Variants in PPP1R7 observed in about 807,000 individuals in gnomAD.
PPP1R7 encodes protein phosphatase 1 regulatory subunit 7.
A neutral mutation model predicts 45.2 loss-of-function variants in PPP1R7; 18 were observed. The observed-to-expected ratio is 0.40, with a 90% CI of 0.28 to 0.59. The LOEUF is 0.59. Ranked by LOEUF, PPP1R7 falls within the 20% of genes least tolerant of loss-of-function variation. PPP1R7 has a pLI of 0.46. For synonymous variants in PPP1R7, 181 were observed against 183.4 expected (o/e 0.99, Z 0.11); for missense variants, 314 against 455.8 (o/e 0.69, Z 2.83).
At chr2:241,149,748 G>A (rs767693911), upstream of PPP1R7, 8 of 1,542,512 alleles carry the variant, frequency 5.2e-6, no homozygotes, top group Non-Finnish European at 7.0e-6. Flanking sequence ...GCCTCTTTCT[G>A]AAGGCGGAGG....
At chr2:241,164,291 G>A (rs888113014) in intron 7 of PPP1R7, among the ~76,000 whole-genome samples, 1 of 152,222 alleles carries the variant, frequency 6.6e-6, no homozygotes, top group African/African-American at 2.4e-5. Flanking sequence ...TCTTCAGAAG[G>A]TGGAGCTTAT....
At chr2:241,166,736 T>A (rs1159354897) in intron 8 of PPP1R7, among the ~76,000 whole-genome samples, 1 of 152,158 alleles carries the variant, frequency 6.6e-6, no homozygotes, top group Non-Finnish European at 1.5e-5. Flanking sequence ...TGGGGCAGCA[T>A]CCATTGCACA....
At chr2:241,156,675 TA>T (rs3831865) in intron 2 of PPP1R7, among the ~76,000 whole-genome samples, 29,518 of 151,612 alleles carry the variant, frequency 0.19, 4,251 homozygotes, top group East Asian at 0.61. Context: ...CCCTGTCTCT[TA>T]AAAAAAAATT....
chr2:241,159,291 T>A lies in PPP1R7; in HGVS notation c.382T>A (p.Tyr128Asn), dbSNP rs752131467. 1 of 1,613,838 alleles carries A rather than the reference T, an allele frequency of 6.2e-7. No homozygotes were observed. The highest frequency in any genetic ancestry group is 1.7e-5 in the Admixed American group (1 of 60,018). The part of the protein sequence containing the change: ...ELQSLRELDL[Y>N]DNQIKKIENL... ...ACAGAGTCTTCGAGAGCTGGATCTT[T>A]ACGACAACCAGATCAAGAAGATTGA... Residue 128 changes from tyrosine to asparagine, a missense_variant, in exon 5 of 10, where the codon TAC becomes AAC. Tyr to Asn is a moderately radical substitution (Grantham distance 143, BLOSUM62 -2). Coordinates refer to ENST00000234038, the MANE Select transcript of PPP1R7 (RefSeq NM_002712.3).
At chr2:241,170,687 T>C (rs2067798054) in intron 9 of PPP1R7, among the ~76,000 whole-genome samples, 1 of 152,200 alleles carries the variant, frequency 6.6e-6, no homozygotes, top group Admixed American at 6.5e-5. Flanking sequence ...TGACCCTGCT[T>C]ATGTCCTGTG....
Position 241,177,395 on chromosome 2 carries a change from G to A in PPP1R7, c.907-5252G>A, listed in dbSNP as rs566593225. ...TTGTGCCACTGCACTCTAGCCTGGC[G>A]ACAAAGCTAGACTCCACCTTAAAAA... On this transcript the variant is annotated intron_variant, in intron 9 of 9. Transcript: ENST00000234038. 1.0e-4 allele frequency among the ~76,000 whole-genome samples: 15 copies of A among 149,372 alleles called. No individual in the cohort carries two copies. The South Asian group carries it at 1.3e-3, about 13-fold the overall frequency.
In PPP1R7 at chr2:241,183,231, C is replaced by G. The variant is rs1392780224; in HGVS notation, c.*408C>G. 5.2e-6 allele frequency: 2 copies of G among 383,860 alleles called. No individual in the cohort carries two copies. The highest frequency in any genetic ancestry group is 5.3e-6 in the Non-Finnish European group (1 of 190,288). 23.8% of individuals were successfully genotyped at this position (383,860 alleles called of 1,614,324 possible). A position where few individuals can be genotyped will look rare whatever the true frequency, so the allele number is the denominator to read the frequency against. On this transcript the variant is annotated 3_prime_UTR_variant, in exon 10 of 10. Transcript: ENST00000234038. ...GGGGGCTGGCCTAGCTGGCCCTAGT[C>G]CTGGTGTGCAGGGTTCAGGCAGTCT...
upstream of PPP1R7, chr2:241,149,601 G>A (rs187718988): frequency 9.3e-6 from 14 of 1,509,962 alleles, no homozygotes; most frequent in Middle Eastern, 1.7e-4. Flanking sequence ...GGTTGCTAGG[G>A]ACGCACCAAA....
chr2:241,175,311 C>T (rs545431536), intron 9 of PPP1R7, among the ~76,000 whole-genome samples: 3 of 152,222 alleles, frequency 2.0e-5, no homozygotes, highest in Non-Finnish European at 4.4e-5. Context: ...AAAACTGGAA[C>T]TCTGTACCCA....
chr2:241,153,656 G>T, intron 2 of PPP1R7, 52 bp downstream of exon 2: 1 of 1,596,440 alleles, frequency 6.3e-7, no homozygotes, highest in Non-Finnish European at 8.5e-7. Context: ...GATGTGGGCT[G>T]TGCTGCACGT....
intron 9 of PPP1R7, among the ~76,000 whole-genome samples, chr2:241,175,058 T>C (rs2067887418): frequency 6.6e-6 from 1 of 152,206 alleles, no homozygotes; most frequent in Admixed American, 6.5e-5. Context: ...ACAGAAGTCC[T>C]ACTTATTTAT....
chr2:241,153,791 T>C (rs1327677001), intron 2 of PPP1R7, among the ~76,000 whole-genome samples, 187 bp downstream of exon 2: 1 of 152,308 alleles, frequency 6.6e-6, no homozygotes, highest in African/African-American at 2.4e-5. Context: ...GGCTGACTCA[T>C]TGATGGCGTT....
chr2:241,170,020 T>A, intron 9 of PPP1R7, 153 bp downstream of exon 9: 1 of 612,052 alleles, frequency 1.6e-6, no homozygotes, highest in Non-Finnish European at 2.9e-6. Context: ...TCTTGTAGAC[T>A]TGTATTGGGT....
chr2:241,156,219 C>A (rs554133609), intron 2 of PPP1R7, among the ~76,000 whole-genome samples: 2 of 152,330 alleles, frequency 1.3e-5, no homozygotes, highest in South Asian at 4.1e-4. Context: ...ACAGTAACAG[C>A]ACTGACAGCC....
chr2:241,150,265 G>A (rs887146116), upstream of PPP1R7: 2 of 1,291,570 alleles, frequency 1.5e-6, no homozygotes, highest in African/African-American at 1.5e-5. Context: ...CCAGCTTCTC[G>A]CCTCCAGACT....
At chr2:241,150,667 C>A in intron 1 of PPP1R7, 120 bp downstream of exon 1, 1 of 1,305,150 alleles carries the variant, frequency 7.7e-7, no homozygotes, top group African/African-American at 1.5e-5. Flanking sequence ...CCGCGCGGCC[C>A]CCTGACAGCT....
chr2:241,151,476 C>T (rs902478855), intron 1 of PPP1R7: 2 of 470,936 alleles, frequency 4.2e-6, no homozygotes, highest in African/African-American at 4.0e-5. Context: ...AAGAATAACT[C>T]GAAGGCAACG....
In PPP1R7 at chr2:241,163,312, A is replaced by G; in HGVS notation, c.625A>G (p.Asn209Asp). The G allele has an allele frequency of 1.9e-6, 3 of 1,613,650 alleles. No homozygotes were observed. The highest frequency in any genetic ancestry group is 2.5e-6 in the Non-Finnish European group (3 of 1,179,618). The stretch of plus-strand genomic sequence containing the variant: ...AATCGAAAATATCGACACCTTAACC[A>G]ACCTGGAGAGTTTGTTTTTGGGGAA... ...RAIENIDTLT[N>D]LESLFLGKNK... Residue 209 changes from asparagine to aspartate, a missense_variant, in exon 7 of 10, where the codon AAC becomes GAC. Physicochemically the swap from Asn to Asp is conservative, Grantham distance 23. Around this residue, in one of 3 missense-constraint regions of PPP1R7, gnomAD observed 168 missense variants for 285.3 expected, o/e 0.59. Coordinates refer to ENST00000234038, the MANE Select transcript of PPP1R7 (RefSeq NM_002712.3).
intron 2 of PPP1R7, 115 bp downstream of exon 2, chr2:241,153,719 T>C: frequency 7.5e-7 from 1 of 1,342,236 alleles, no homozygotes; most frequent in South Asian, 1.4e-5. Flanking sequence ...ACTGCCGTGC[T>C]CCTTAGGGGT....
Sources: gnomAD v4.1 joint callset for allele counts (sites outside exome capture counted in the v4.1 genomes callset) on GRCh38, gnomAD v4.1.1 for gene constraint, gnomAD v4.1.1 regional missense constraint, MANE v1.5 for transcripts, NCBI Gene and HGNC (gene_info 2026-07-23, HGNC 2026-07-21) for gene names.